Variants in SMAD5 observed in about 807,000 individuals in gnomAD.
SMAD5 encodes SMAD family member 5.
Under a neutral mutation model 43.1 loss-of-function variants are expected in SMAD5, and 9 were observed. The ratio of observed to expected loss-of-function variants is 0.21; its 90% CI spans 0.13 to 0.36. SMAD5 has a LOEUF of 0.36. Ranked by LOEUF, SMAD5 falls within the 10% of genes least tolerant of loss-of-function variation. SMAD5 has a pLI of 1.00. For synonymous variants in SMAD5, 190 were observed against 192.4 expected, an observed-to-expected ratio of 0.99 and a Z score of 0.10; for missense variants, 348 against 574.0, an observed-to-expected ratio of 0.61 and a Z score of 4.02.
intron 3 of SMAD5, among the ~76,000 whole-genome samples, chr5:136,155,195 C>T (rs926099954): frequency 2.4e-4 from 36 of 152,080 alleles, no homozygotes; most frequent in Admixed American, 2.0e-4. Context: ...TATGTCTAAG[C>T]GCAGTTTTTT....
Position 136,166,786 on chromosome 5 carries a change from T to C in SMAD5, c.775+3395T>C, listed in dbSNP as rs77312143. ...TTATTCTCCTTTTGAAAATATGGAC[T>C]GTATTTACTCCACTTAACCTCCTTT... is the stretch of plus-strand genomic sequence containing the variant. On this transcript the variant is annotated intron_variant, in intron 5 of 7. Transcript: ENST00000545279. Among the ~76,000 whole-genome samples the C allele has an allele frequency of 4.4e-3, 674 of 152,326 alleles. 3 individuals are homozygous for C. The highest frequency in any genetic ancestry group is 0.015 in the African/African-American group (640 of 41,570).
chr5:136,175,524 C>G (rs1252849276), intron 7 of SMAD5, among the ~76,000 whole-genome samples: 2 of 152,156 alleles, frequency 1.3e-5, no homozygotes, highest in South Asian at 2.1e-4. Flanking sequence ...TTCATCTACT[C>G]TCTTCACCTG....
Position 136,177,508 on chromosome 5 carries a change from G to A in SMAD5, c.*28G>A. ...CAGAAGTATTCTTTTCAATTATATT[G>A]TTAGTGGACTTGTTTTAATTTTAGA... On this transcript the variant is annotated 3_prime_UTR_variant, in exon 8 of 8. Transcript: ENST00000545279. 1 of 1,550,906 alleles carries A rather than the reference G, an allele frequency of 6.4e-7. No homozygotes were observed.
intron 3 of SMAD5, among the ~76,000 whole-genome samples, chr5:136,158,494 C>G (rs1402261884): frequency 6.6e-6 from 1 of 152,024 alleles, no homozygotes; most frequent in Non-Finnish European, 1.5e-5. Context: ...TCTTAGGACA[C>G]TAATAGAGGA....
chr5:136,174,328 A>G (rs62385789), intron 6 of SMAD5, 48 bp from the exon 7 acceptor site: 31,213 of 1,581,254 alleles, frequency 0.02, 523 homozygotes, highest in Middle Eastern at 0.095. Context: ...ATTTGGTTTC[A>G]TTGTAATGAT....
intron 1 of SMAD5, among the ~76,000 whole-genome samples, chr5:136,143,614 T>A (rs957952247): frequency 6.6e-6 from 1 of 151,986 alleles, no homozygotes; most frequent in Non-Finnish European, 1.5e-5. Flanking sequence ...TGATTTGGTT[T>A]TCCTCGTCCT....
intron 1 of SMAD5, chr5:136,133,961 T>A (rs1752775121): frequency 7.1e-6 from 1 of 140,966 alleles, no homozygotes; most frequent in Admixed American, 8.2e-5. Flanking sequence ...AGCCTGTAGG[T>A]GAGGAATGGC....
rs546012186 is a variant in SMAD5, at chr5:136,153,487, C to T, written c.-169-105C>T. On this transcript the variant is annotated intron_variant, in intron 2 of 7. Coordinates refer to ENST00000545279, the MANE Select transcript of SMAD5 (RefSeq NM_005903.7). ...TCAATTTTTTGTTTACTTTGTAATG[C>T]TTTTCTGTTCTTATTTAATAAAATA... 3 of 262,906 alleles carry T rather than the reference C, an allele frequency of 1.1e-5. No individual in the cohort carries two copies. In the South Asian group the frequency reaches 3.0e-4, roughly 26 times the overall value. The allele number at this position is 262,906 out of a possible 1,614,324, so 16.3% of individuals were successfully genotyped here.
chr5:136,134,299 G>T (rs1394147678), intron 1 of SMAD5: 1 of 152,462 alleles, frequency 6.6e-6, no homozygotes, highest in Non-Finnish European at 1.5e-5. Context: ...TTGAAAATTC[G>T]TATTTAAAAC....
chr5:136,136,308 G>C (rs1247395407), intron 1 of SMAD5, among the ~76,000 whole-genome samples: 1 of 152,158 alleles, frequency 6.6e-6, no homozygotes, highest in Non-Finnish European at 1.5e-5. Flanking sequence ...CTCCCAAGTA[G>C]CTGGGATTAC....
rs1266985914 is a variant in SMAD5 at position 136,160,920 on chromosome 5, G to T, written c.468G>T (p.Gln156His). The change falls in exon 4 of 8, where the codon CAG (glutamine) becomes CAT (histidine). Residue 156 changes from glutamine (Q) to histidine (H), a missense_variant. Gln to His is a conservative substitution (Grantham distance 24). Transcript: ENST00000545279. ...EFNPQHSLLV[Q>H]FRNLSHNEPH... ...ATCCACAACACAGCCTTCTGGTTCA[G>T]TTTAGGAACCTGAGCCACAATGAAC... The T allele has an allele frequency of 3.7e-6, 6 of 1,613,742 alleles. No homozygotes were observed. The highest frequency in any genetic ancestry group is 1.7e-5 in the Admixed American group (1 of 59,984).
At chr5:136,168,728 T>C (rs1411731081) in intron 5 of SMAD5, among the ~76,000 whole-genome samples, 2 of 152,234 alleles carry the variant, frequency 1.3e-5, no homozygotes, top group Non-Finnish European at 2.9e-5. Flanking sequence ...TCACCTCTTC[T>C]TCCCCACAAC....
chr5:136,158,266 A>T (rs1753707202), intron 3 of SMAD5, among the ~76,000 whole-genome samples: 1 of 151,894 alleles, frequency 6.6e-6, no homozygotes, highest in Admixed American at 6.6e-5. Flanking sequence ...ATCATAGATT[A>T]AAAAAAAGAT....
intron 1 of SMAD5, among the ~76,000 whole-genome samples, chr5:136,139,529 T>TA (rs1379704375): frequency 6.6e-6 from 1 of 152,126 alleles, no homozygotes; most frequent in East Asian, 1.9e-4. Flanking sequence ...TCAGGAAGCT[T>TA]ACTGTCTTTC....
chr5:136,146,761 T>G (rs72794956), intron 1 of SMAD5, among the ~76,000 whole-genome samples: 1 of 151,798 alleles, frequency 6.6e-6, no homozygotes, highest in Non-Finnish European at 1.5e-5. Context: ...TAAAGAAGTT[T>G]TAATCTCAGT....
chr5:136,160,988 A>G lies in SMAD5; in HGVS notation c.536A>G (p.Gln179Arg), dbSNP rs1753805197. The change falls in exon 4 of 8, where the codon CAG becomes CGG. Residue 179 changes from glutamine to arginine, a missense_variant. Around this residue, in one of 5 missense-constraint regions of SMAD5, gnomAD observed 185 missense variants for 207.0 expected, o/e 0.89. Coordinates refer to ENST00000545279, the MANE Select transcript of SMAD5 (RefSeq NM_005903.7). ...QNATFPDSFH[Q>R]PNNTPFPLSP... is the part of the protein sequence containing the mutation. The stretch of plus-strand genomic sequence containing the variant: ...GCCACGTTTCCAGATTCTTTCCACC[A>G]GCCCAACAACACTCCTTTTCCCTTA... 1 of 1,613,846 alleles carries G rather than the reference A, an allele frequency of 6.2e-7. No homozygotes were observed. The highest frequency in any genetic ancestry group is 1.3e-5 in the African/African-American group (1 of 74,914).
chr5:136,147,002 A>G (rs1361254751), intron 1 of SMAD5, among the ~76,000 whole-genome samples: 1 of 151,726 alleles, frequency 6.6e-6, no homozygotes, highest in Non-Finnish European at 1.5e-5. Flanking sequence ...GACTATATAT[A>G]TGCAGAGGAA....
At chr5:136,158,359 G>T (rs183611356) in intron 3 of SMAD5, among the ~76,000 whole-genome samples, 1 of 152,226 alleles carries the variant, frequency 6.6e-6, no homozygotes, top group African/African-American at 2.4e-5. Context: ...TGCAGTTCTG[G>T]ATTCTAGAAG....
In SMAD5 at chr5:136,145,983, T is replaced by C. The variant is rs144502160; in HGVS notation, c.-244-1849T>C. Among the ~76,000 whole-genome samples the C allele has an allele frequency of 2.2e-3, 337 of 152,018 alleles. 1 individual carries two copies. The highest frequency in any genetic ancestry group is 7.4e-3 in the African/African-American group (309 of 41,524). Reference sequence around the variant, plus strand: ...TCCTGACTTCTTTTAGCGACCTTTATATCTTTAGGGCAACTCCATTCTCCA... The same window carrying C: ...TCCTGACTTCTTTTAGCGACCTTTACATCTTTAGGGCAACTCCATTCTCCA... On this transcript the variant is annotated intron_variant, in intron 1 of 7. Coordinates refer to ENST00000545279, the MANE Select transcript of SMAD5 (RefSeq NM_005903.7).
Sources: allele counts gnomAD v4.1 joint callset (sites outside exome capture counted in the v4.1 genomes callset), GRCh38; gene constraint gnomAD v4.1.1; regional missense constraint gnomAD v4.1.1; transcripts MANE v1.5; gene names NCBI Gene and HGNC (gene_info 2026-07-23, HGNC 2026-07-21).